Variants in MRTFB observed in about 807,000 individuals in gnomAD.
MRTFB encodes myocardin related transcription factor B, also known as myocardin-related transcription factor B.
A neutral mutation model predicts 104.2 loss-of-function variants in MRTFB; 29 were observed. That is an observed-to-expected ratio of 0.28 (90% CI 0.21 to 0.38). The LOEUF is 0.38. Among genes scored for constraint, MRTFB ranks in the 10% least tolerant of loss-of-function variants. MRTFB has a pLI of 1.00. For missense variants in MRTFB, 1,270 were observed against 1,341.6 expected (o/e 0.95, Z 0.83); for synonymous variants, 535 against 519.5 (o/e 1.03, Z -0.41).
At chr16:14,012,165 T>C in the MRTFB span, among the ~76,000 whole-genome samples, 1 of 151,138 alleles carries the variant, frequency 6.6e-6, no homozygotes, top group African/African-American at 2.4e-5. Flanking sequence ...GAGAACGTAC[T>C]GTTTACTCAA....
chr16:14,068,490 A>C (rs1365455431), upstream of MRTFB, among the ~76,000 whole-genome samples: 1 of 152,192 alleles, frequency 6.6e-6, no homozygotes, highest in Admixed American at 6.5e-5. Context: ...CACGAAAGGC[A>C]AAGTTTGTGC....
At chr16:14,043,440 T>C in the MRTFB span, among the ~76,000 whole-genome samples, 16 of 151,998 alleles carry the variant, frequency 1.1e-4, no homozygotes, top group African/African-American at 3.9e-4. Context: ...CTCGGTGCTG[T>C]GGTCCTGTGT....
chr16:14,235,397 C>T lies in MRTFB; in HGVS notation c.831+1114C>T, dbSNP rs184170795. On this transcript the variant is annotated intron_variant, in intron 9 of 16. Coordinates refer to ENST00000571589, the MANE Select transcript of MRTFB (RefSeq NM_001308142.2). ...TATACCTCCTCTCCCAACATCCCCACGCATGCAACCCCGACGGCACAGAGG... is the reference window on the plus strand; with the variant it reads ...TATACCTCCTCTCCCAACATCCCCATGCATGCAACCCCGACGGCACAGAGG... Among the ~76,000 whole-genome samples the T allele has an allele frequency of 3.5e-4, 54 of 152,330 alleles. 1 individual carries two copies. The East Asian group carries it at 6.9e-3, about 20-fold the overall frequency.
intron 2 of MRTFB, among the ~76,000 whole-genome samples, chr16:14,122,250 T>C (rs965547694): frequency 6.6e-5 from 10 of 152,058 alleles, no homozygotes; most frequent in Non-Finnish European, 8.8e-5. Flanking sequence ...TTTTTTTTTT[T>C]CAATAATAGC....
chr16:14,017,957 A>C, the MRTFB span, among the ~76,000 whole-genome samples: 1 of 151,500 alleles, frequency 6.6e-6, no homozygotes, highest in African/African-American at 2.4e-5. Context: ...CAAGGCCCCA[A>C]GCAATCCTCC....
At chr16:14,209,307 T>C (rs1344678159) in intron 3 of MRTFB, among the ~76,000 whole-genome samples, 1 of 152,216 alleles carries the variant, frequency 6.6e-6, no homozygotes, top group Admixed American at 6.5e-5. Flanking sequence ...TTTAAGCATA[T>C]TGACAACCAT....
chr16:14,217,908 T>A (rs1309399362), intron 7 of MRTFB, among the ~76,000 whole-genome samples: 2 of 152,204 alleles, frequency 1.3e-5, no homozygotes, highest in Admixed American at 1.3e-4. Context: ...TAGTTACTGA[T>A]GTTTCTCTTT....
At chr16:13,999,184 C>CT in the MRTFB span, among the ~76,000 whole-genome samples, 2 of 146,490 alleles carry the variant, frequency 1.4e-5, no homozygotes, top group African/African-American at 5.0e-5. Flanking sequence ...GAGTAAGACT[C>CT]TGTCTCCAAA....
At chr16:14,055,213 T>C in the MRTFB span, among the ~76,000 whole-genome samples, 1 of 152,122 alleles carries the variant, frequency 6.6e-6, no homozygotes, top group Non-Finnish European at 1.5e-5. Context: ...TAGCTGGGCA[T>C]GGTGGCACAT....
chr16:14,046,584 C>A, the MRTFB span, among the ~76,000 whole-genome samples: 1 of 152,134 alleles, frequency 6.6e-6, no homozygotes, highest in Non-Finnish European at 1.5e-5. Context: ...GCTTTATGCA[C>A]CCTACCCTTT....
rs2037942733 is a variant in MRTFB, at chr16:14,140,557, C to T, written c.-50C>T. The T allele has an allele frequency of 2.5e-6, 4 of 1,603,766 alleles. No individual in the cohort carries two copies. The highest frequency in any genetic ancestry group is 3.4e-6 in the Non-Finnish European group (4 of 1,172,888). On this transcript the variant is annotated 5_prime_UTR_variant, in exon 3 of 17. Coordinates refer to ENST00000571589, the MANE Select transcript of MRTFB (RefSeq NM_001308142.2). The stretch of plus-strand genomic sequence containing the variant: ...TTATTTTGGCAGTGTCTTCAATAGG[C>T]CGTGTTTAAGAGGCGTCTTACACTC...
intron 2 of MRTFB, among the ~76,000 whole-genome samples, chr16:14,123,778 A>T (rs2036969497): frequency 6.6e-6 from 1 of 152,180 alleles, no homozygotes; most frequent in South Asian, 2.1e-4. Context: ...TATGAAGTTT[A>T]AAGTAGTTTT....
chr16:14,168,216 A>AAT (rs1456540349), intron 3 of MRTFB, among the ~76,000 whole-genome samples: 1 of 128,232 alleles, frequency 7.8e-6, no homozygotes, highest in Admixed American at 7.3e-5. Context: ...TTAAAGATAA[A>AAT]ATGTGTGTGT....
intron 3 of MRTFB, chr16:14,186,986 A>T (rs756962283): frequency 2.5e-6 from 4 of 1,597,826 alleles, no homozygotes; most frequent in Non-Finnish European, 3.4e-6. Context: ...TTGAACCATT[A>T]AAAGAAAAGG....
At chr16:14,016,509 ACG>A in the MRTFB span, among the ~76,000 whole-genome samples, 1 of 152,082 alleles carries the variant, frequency 6.6e-6, no homozygotes, top group African/African-American at 2.4e-5. Context: ...GCGGTGGCTC[ACG>A]CCTGTAATCC....
At chr16:14,214,380 C>T (rs564971568) in intron 6 of MRTFB, among the ~76,000 whole-genome samples, 1 of 152,270 alleles carries the variant, frequency 6.6e-6, no homozygotes, top group African/African-American at 2.4e-5. Context: ...ACTTCTCAGA[C>T]ATTGAGAGAC....
At chr16:14,028,932 G>A in the MRTFB span, among the ~76,000 whole-genome samples, 2 of 152,104 alleles carry the variant, frequency 1.3e-5, no homozygotes, top group Non-Finnish European at 2.9e-5. Flanking sequence ...ATCGTGGATG[G>A]GTTTGTTCTT....
intron 2 of MRTFB, among the ~76,000 whole-genome samples, chr16:14,110,184 G>A (rs555620648): frequency 1.4e-3 from 213 of 152,360 alleles, no homozygotes; most frequent in Non-Finnish European, 2.7e-3. Context: ...TTATCTTCAG[G>A]AAAGTCCTGG....
At chr16:14,164,676 C>T (rs997699536) in intron 3 of MRTFB, among the ~76,000 whole-genome samples, 3 of 152,130 alleles carry the variant, frequency 2.0e-5, no homozygotes, top group African/African-American at 7.2e-5. Context: ...TGCATTGTCC[C>T]ATTTAATCCT....
Sources: gnomAD v4.1 joint callset for allele counts (sites outside exome capture counted in the v4.1 genomes callset) on GRCh38, gnomAD v4.1.1 for gene constraint, MANE v1.5 for transcripts, NCBI Gene and HGNC (gene_info 2026-07-23, HGNC 2026-07-21) for gene names.